The following ABCA4 variants were observed in gnomAD, a reference collection of about 807,000 sequenced individuals.
The protein encoded by ABCA4 is ATP binding cassette subfamily A member 4.
ABCA4 carries 196 observed loss-of-function variants against 263.7 expected under a neutral mutation model. That is an observed-to-expected ratio of 0.74 (90% CI 0.66 to 0.84). The LOEUF is 0.84. Among genes scored for constraint, ABCA4 ranks in the 40% least tolerant of loss-of-function variants. The pLI, the probability that ABCA4 is intolerant of heterozygous loss-of-function variation, is 0.00. For missense variants in ABCA4, 2,792 were observed against 2,855.1 expected (o/e 0.98, Z 0.50); for synonymous variants, 1,133 against 1,094.2 (o/e 1.04, Z -0.70).
intron 2 of ABCA4, among the ~76,000 whole-genome samples, chr1:94,111,872 G>A (rs1278465928): frequency 6.6e-6 from 1 of 152,224 alleles, no homozygotes; most frequent in Non-Finnish European, 1.5e-5. Context: ...TGTGCCGAGA[G>A]GGGCATAGGA....
chr1:94,019,935 A>G lies in ABCA4; in HGVS notation c.5019-176T>C, dbSNP rs17110850. Among the ~76,000 whole-genome samples the G allele has an allele frequency of 0.11, 16,235 of 152,244 alleles. 974 individuals are homozygous for G. The highest frequency in any genetic ancestry group is 0.12 in the Non-Finnish European group (8,265 of 68,008). ...TAAACTGTCTTAATCCATATGGACC[A>G]AGGTTAAATGGGTATTTGCGGGTTG... On this transcript the variant is annotated intron_variant, in intron 35 of 49. Coordinates refer to ENST00000370225, the MANE Select transcript of ABCA4 (RefSeq NM_000350.3).
rs72725196 is a variant in ABCA4, at chr1:94,101,128, G to A, written c.570+1887C>T. Among the ~76,000 whole-genome samples the A allele has an allele frequency of 0.094, 14,284 of 152,262 alleles. 779 individuals are homozygous for A. Among genetic ancestry groups the A allele is most frequent in the East Asian group, 0.21 (1,084 of 5,182 alleles). The stretch of plus-strand genomic sequence containing the variant: ...TCCATTCTCCAACATGAAAGGCCTT[G>A]GCACTGATGCCAGAAGCACAGTACT... On this transcript the variant is annotated intron_variant, in intron 5 of 49. Coordinates refer to ENST00000370225, the MANE Select transcript of ABCA4 (RefSeq NM_000350.3).
rs189219826 is a variant in ABCA4, at chr1:94,069,384, G to A, written c.1555-6067C>T. On this transcript the variant is annotated intron_variant, in intron 11 of 49. Transcript: ENST00000370225. ...AAGTGGGGAGCAACCCTGTGCTGACGTGGCATAAGAGGACATATTTTGACG... is the reference window on the plus strand; with the variant it reads ...AAGTGGGGAGCAACCCTGTGCTGACATGGCATAAGAGGACATATTTTGACG... Among the ~76,000 whole-genome samples, 17 of 152,292 alleles carry A rather than the reference G, an allele frequency of 1.1e-4. No individual in the cohort carries two copies. The East Asian group carries it at 2.5e-3, about 22-fold the overall frequency.
At chr1:94,014,415 G>A (rs949984516) in intron 38 of ABCA4, 128 bp downstream of exon 38, 1 of 1,050,668 alleles carries the variant, frequency 9.5e-7, no homozygotes, top group South Asian at 1.3e-5. Flanking sequence ...CGGGGGTAGG[G>A]AGGAAGAAAG....
At chr1:94,113,568 C>A (rs1163277099) in intron 1 of ABCA4, among the ~76,000 whole-genome samples, 2 of 152,236 alleles carry the variant, frequency 1.3e-5, no homozygotes, top group Non-Finnish European at 2.9e-5. Flanking sequence ...GCATCAGAAC[C>A]AAAATCCAGC....
Position 94,030,991 on chromosome 1 carries a change from C to A in ABCA4, c.4253+5G>T, listed in dbSNP as rs61750138. 1.1e-5 allele frequency: 17 copies of A among 1,613,796 alleles called. No homozygotes were observed. The highest frequency in any genetic ancestry group is 2.7e-5 in the African/African-American group (2 of 74,886). ...GAGGAGAATGGTGACCCCGAGTCCG[C>A]GCACCTGAAGAAGGTGTACTGCTGC... On this transcript the variant is annotated splice_donor_5th_base_variant and intron_variant, in intron 28 of 49. Transcript: ENST00000370225.
At chr1:94,079,995 A>C (rs1294282253) in intron 8 of ABCA4, among the ~76,000 whole-genome samples, 10 of 16,774 alleles carry the variant, frequency 6.0e-4, no homozygotes, top group Non-Finnish European at 1.6e-3. Flanking sequence ...TAGAAGACCA[A>C]AAAAAAAAAA....
chr1:94,044,363 A>C (rs1660611278), intron 20 of ABCA4, among the ~76,000 whole-genome samples: 1 of 152,168 alleles, frequency 6.6e-6, no homozygotes, highest in African/African-American at 2.4e-5. Flanking sequence ...GCTCTGTCAG[A>C]GCGAAGGCAG....
In ABCA4 at chr1:94,001,949, G is replaced by T; in HGVS notation, c.6191C>A (p.Ala2064Asp). 1 of 1,614,204 alleles carries T rather than the reference G, an allele frequency of 6.2e-7. No homozygotes were observed. The highest frequency in any genetic ancestry group is 1.1e-5 in the South Asian group (1 of 91,084). ...SIKSLGLTVYADCLAGTYSGG... is the reference protein window; with the variant it reads ...SIKSLGLTVYDDCLAGTYSGG... ...ACTGTACGTGCCAGCCAGGCAGTCG[G>T]CGTAGACAGTCAGGCCCAGGCTCTT... The change falls in exon 45 of 50, where the codon GCC (alanine) becomes GAC (aspartate). Residue 2064 changes from alanine (A) to aspartate (D), a missense_variant. Transcript: ENST00000370225.
At chr1:94,050,827 C>A (rs1660822820) in intron 17 of ABCA4, among the ~76,000 whole-genome samples, 1 of 152,184 alleles carries the variant, frequency 6.6e-6, no homozygotes, top group Non-Finnish European at 1.5e-5. Flanking sequence ...AAACAAACAT[C>A]CATCTCAGTG....
intron 19 of ABCA4, among the ~76,000 whole-genome samples, chr1:94,046,174 C>G (rs1186996349): frequency 6.6e-6 from 1 of 150,704 alleles, no homozygotes; most frequent in Non-Finnish European, 1.5e-5. Context: ...CTGGTGCGGT[C>G]GCTCACGCCT....
chr1:94,050,117 T>TG (rs1660794298), intron 17 of ABCA4, among the ~76,000 whole-genome samples: 1 of 152,230 alleles, frequency 6.6e-6, no homozygotes, highest in Non-Finnish European at 1.5e-5. Flanking sequence ...CAGCAGGTAG[T>TG]GGGCCTGCTG....
chr1:94,069,308 A>G (rs1661349265), intron 11 of ABCA4, among the ~76,000 whole-genome samples: 1 of 152,238 alleles, frequency 6.6e-6, no homozygotes, highest in Non-Finnish European at 1.5e-5. Context: ...GATGTCCAGT[A>G]GAGGCAGAGA....
chr1:94,116,214 T>A (rs1662754731), intron 1 of ABCA4, among the ~76,000 whole-genome samples: 1 of 152,168 alleles, frequency 6.6e-6, no homozygotes, highest in African/African-American at 2.4e-5. Context: ...GCCCTAGGAC[T>A]GTTCCCACCT....
intron 32 of ABCA4, 107 bp downstream of exon 32, chr1:94,023,279 C>T: frequency 2.1e-6 from 2 of 940,018 alleles, no homozygotes; most frequent in South Asian, 2.8e-5. Context: ...TGAGCACCTA[C>T]AGAACAGCCC....
intron 1 of ABCA4, among the ~76,000 whole-genome samples, chr1:94,117,178 G>T (rs928038319): frequency 6.6e-6 from 1 of 151,536 alleles, no homozygotes; most frequent in African/African-American, 2.4e-5. Context: ...TGTTGTTTTA[G>T]AACTGAGCCT....
intron 19 of ABCA4, among the ~76,000 whole-genome samples, chr1:94,046,130 A>G (rs940233951): frequency 6.6e-6 from 1 of 151,982 alleles, no homozygotes; most frequent in African/African-American, 2.4e-5. Flanking sequence ...ATTGGTAGGA[A>G]AAGGAATGTT....
intron 5 of ABCA4, 131 bp from the exon 6 acceptor site, chr1:94,099,122 C>T: frequency 9.8e-7 from 1 of 1,021,000 alleles, no homozygotes; most frequent in Non-Finnish European, 1.5e-6. Flanking sequence ...GGATTAAAGC[C>T]ACTGATTAGC....
chr1:94,079,189 G>T, intron 9 of ABCA4, 133 bp downstream of exon 9: 1 of 1,336,476 alleles, frequency 7.5e-7, no homozygotes, highest in Non-Finnish European at 1.1e-6. Flanking sequence ...GGGAGGAAAC[G>T]CAAGAGTCCA....
Sources: allele counts gnomAD v4.1 joint callset (sites outside exome capture counted in the v4.1 genomes callset), GRCh38; gene constraint gnomAD v4.1.1; transcripts MANE v1.5; gene names NCBI Gene and HGNC (gene_info 2026-07-23, HGNC 2026-07-21).